The following KCNAB1 variants were observed in gnomAD, a reference collection of about 807,000 sequenced individuals.
The protein encoded by KCNAB1 is potassium voltage-gated channel subfamily A regulatory beta subunit 1, also known as voltage-gated potassium channel subunit beta-1.
A neutral mutation model predicts 64.6 loss-of-function variants in KCNAB1; 35 were observed. The ratio of observed to expected loss-of-function variants is 0.54; its 90% CI spans 0.41 to 0.72. KCNAB1 has a LOEUF of 0.72. KCNAB1 is among the 30% of genes least tolerant of loss of function. The pLI is 0.00. For synonymous variants in KCNAB1, 177 were observed against 183.8 expected, an observed-to-expected ratio of 0.96 and a Z score of 0.30; for missense variants, 401 against 512.9, an observed-to-expected ratio of 0.78 and a Z score of 2.11.
At chr3:156,371,199 C>T (rs1429811586) in intron 1 of KCNAB1, among the ~76,000 whole-genome samples, 1 of 152,262 alleles carries the variant, frequency 6.6e-6, no homozygotes, top group East Asian at 1.9e-4. Context: ...ACCATCTGCC[C>T]TCAAGGGGTC....
intron 1 of KCNAB1, among the ~76,000 whole-genome samples, chr3:156,256,482 G>A (rs1419485364): frequency 6.6e-6 from 1 of 152,176 alleles, no homozygotes; most frequent in Non-Finnish European, 1.5e-5. Context: ...TTTTAATGGA[G>A]GAGGTGGTTT....
In KCNAB1 at chr3:156,491,689, TA is replaced by T. The variant is rs932630622; in HGVS notation, c.658+16877del. Among the ~76,000 whole-genome samples the T allele has an allele frequency of 5.3e-5, 8 of 151,968 alleles. 1 individual carries two copies. Among genetic ancestry groups the T allele is most frequent in the South Asian group, 2.1e-4 (1 of 4,824 alleles). On this transcript the variant is annotated intron_variant, in intron 8 of 13. Coordinates refer to ENST00000490337, the MANE Select transcript of KCNAB1 (RefSeq NM_172160.3). ...TTTAGGACTTTTATGCCTATATTCATAAAAAAAATTAGCCTGTAATTTATTT... is the reference window on the plus strand; with the variant it reads ...TTTAGGACTTTTATGCCTATATTCATAAAAAAATTAGCCTGTAATTTATTT...
chr3:156,137,142 T>C (rs1227964788), intron 1 of KCNAB1, among the ~76,000 whole-genome samples: 2 of 151,930 alleles, frequency 1.3e-5, no homozygotes, highest in Non-Finnish European at 2.9e-5. Flanking sequence ...CTAAGTCTAG[T>C]ACCAAATAGT....
At chr3:156,315,369 G>A (rs1430080314) in intron 1 of KCNAB1, among the ~76,000 whole-genome samples, 1 of 152,156 alleles carries the variant, frequency 6.6e-6, no homozygotes, top group Admixed American at 6.5e-5. Flanking sequence ...TAGATGATGT[G>A]GCATTAGCCA....
chr3:156,127,512 A>C (rs1026785350), intron 1 of KCNAB1, among the ~76,000 whole-genome samples: 3 of 152,222 alleles, frequency 2.0e-5, no homozygotes, highest in Non-Finnish European at 4.4e-5. Flanking sequence ...GTTGTTTTGC[A>C]TATTAGAGAA....
At chr3:156,496,571 T>C (rs73166579) in intron 8 of KCNAB1, among the ~76,000 whole-genome samples, 1,845 of 152,320 alleles carry the variant, frequency 0.012, 9 homozygotes, top group Non-Finnish European at 0.019. Context: ...TATTTCTTCA[T>C]AGAAGTATGA....
chr3:156,338,303 C>CTTTTTTCTTTTTTTTTTTTTTTTTTTTT, intron 1 of KCNAB1, among the ~76,000 whole-genome samples: 1 of 39,488 alleles, frequency 2.5e-5, no homozygotes, highest in Non-Finnish European at 4.8e-5. Context: ...GGCATTTGCA[C>CTTTTTTCTTTTTTTTTTTTTTTTTTTTT]TTTTTTTTTT....
At chr3:156,376,962 A>G (rs945017504) in intron 1 of KCNAB1, among the ~76,000 whole-genome samples, 2 of 152,170 alleles carry the variant, frequency 1.3e-5, no homozygotes, top group African/African-American at 4.8e-5. Context: ...TGGGACTCTT[A>G]TTTTGTGTCA....
At chr3:156,210,683 C>CT (rs1352150462) in intron 1 of KCNAB1, among the ~76,000 whole-genome samples, 1 of 152,232 alleles carries the variant, frequency 6.6e-6, no homozygotes, top group African/African-American at 2.4e-5. Flanking sequence ...AGTGGCAGCA[C>CT]TGACACTAGA....
At chr3:156,210,975 T>A (rs1215503526) in intron 1 of KCNAB1, among the ~76,000 whole-genome samples, 1 of 152,140 alleles carries the variant, frequency 6.6e-6, no homozygotes, top group Non-Finnish European at 1.5e-5. Context: ...CCAAATGCAA[T>A]GTGGAGGTTT....
At chr3:156,205,457 A>G (rs1004205714) in intron 1 of KCNAB1, among the ~76,000 whole-genome samples, 1 of 152,254 alleles carries the variant, frequency 6.6e-6, no homozygotes, top group African/African-American at 2.4e-5. Context: ...GTTAATAAAT[A>G]TAAAAGTGAA....
At chr3:156,249,291 A>G (rs1209107985) in intron 1 of KCNAB1, among the ~76,000 whole-genome samples, 2 of 152,114 alleles carry the variant, frequency 1.3e-5, no homozygotes, top group Non-Finnish European at 2.9e-5. Context: ...GGCTGGGCGC[A>G]GTGGCTCATG....
chr3:156,243,693 C>G (rs918362816), intron 1 of KCNAB1, among the ~76,000 whole-genome samples: 2 of 152,202 alleles, frequency 1.3e-5, no homozygotes, highest in Non-Finnish European at 2.9e-5. Flanking sequence ...ACTACTACTT[C>G]TATTTAAGAT....
At chr3:156,370,735 G>A (rs150104212) in intron 1 of KCNAB1, among the ~76,000 whole-genome samples, 1 of 152,280 alleles carries the variant, frequency 6.6e-6, no homozygotes, top group African/African-American at 2.4e-5. Context: ...AAACTCAATA[G>A]GGAAGGCACA....
intron 1 of KCNAB1, among the ~76,000 whole-genome samples, chr3:156,275,702 T>C (rs1004726007): frequency 2.0e-5 from 3 of 152,192 alleles, no homozygotes; most frequent in Non-Finnish European, 4.4e-5. Flanking sequence ...CTTTGCTCAT[T>C]CATAAGAAAC....
chr3:156,526,875 T>C (rs1329282999), intron 12 of KCNAB1, among the ~76,000 whole-genome samples: 1 of 145,752 alleles, frequency 6.9e-6, no homozygotes, highest in Non-Finnish European at 1.5e-5. Flanking sequence ...AAAAAAAAAA[T>C]CCTAAAGATT....
intron 8 of KCNAB1, among the ~76,000 whole-genome samples, chr3:156,489,309 C>A (rs1314274713): frequency 6.6e-6 from 1 of 151,948 alleles, no homozygotes; most frequent in East Asian, 1.9e-4. Context: ...TGGGGAGAAG[C>A]GTGTAATGTT....
At chr3:156,405,315 C>A (rs1364526005) in intron 1 of KCNAB1, among the ~76,000 whole-genome samples, 1 of 152,238 alleles carries the variant, frequency 6.6e-6, no homozygotes, top group African/African-American at 2.4e-5. Flanking sequence ...GCTCTCCAGT[C>A]TTCCTGATTG....
At chr3:156,198,552 TG>T (rs1432312183) in intron 1 of KCNAB1, among the ~76,000 whole-genome samples, 1 of 152,116 alleles carries the variant, frequency 6.6e-6, no homozygotes, top group Admixed American at 6.5e-5. Flanking sequence ...ATGCCCTTCT[TG>T]GTCTTTTTGG....
Sources: gnomAD v4.1 joint callset for allele counts (sites outside exome capture counted in the v4.1 genomes callset) on GRCh38, gnomAD v4.1.1 for gene constraint, MANE v1.5 for transcripts, NCBI Gene and HGNC (gene_info 2026-07-23, HGNC 2026-07-21) for gene names.